The following FOXN3 variants were observed in gnomAD, a reference collection of about 807,000 sequenced individuals.
FOXN3 encodes the protein forkhead box protein N3.
In FOXN3, 7 loss-of-function variants were observed where a neutral mutation model predicts 38.4. That is an observed-to-expected ratio of 0.18 (90% CI 0.10 to 0.34). The LOEUF is 0.34. Ranked by LOEUF, FOXN3 falls within the 10% of genes least tolerant of loss-of-function variation. The pLI, the probability that FOXN3 is intolerant of heterozygous loss-of-function variation, is 1.00. For synonymous variants in FOXN3, 230 were observed against 242.2 expected (o/e 0.95, Z 0.47); for missense variants, 456 against 613.4 (o/e 0.74, Z 2.71).
intron 4 of FOXN3, among the ~76,000 whole-genome samples, chr14:89,259,380 T>C (rs566267358): frequency 6.6e-6 from 1 of 152,308 alleles, no homozygotes; most frequent in Admixed American, 6.5e-5. Context: ...CAAATGATCA[T>C]GTTTCCCTCT....
At chr14:89,349,089 A>C (rs979685139) in intron 3 of FOXN3, among the ~76,000 whole-genome samples, 2 of 152,160 alleles carry the variant, frequency 1.3e-5, no homozygotes, top group Non-Finnish European at 2.9e-5. Flanking sequence ...GGGTGGGGGT[A>C]GAATGACAAA....
At chr14:89,533,923 C>T (rs12433528) in intron 1 of FOXN3, among the ~76,000 whole-genome samples, 91,122 of 151,132 alleles carry the variant, frequency 0.6, 28,075 homozygotes, top group Middle Eastern at 0.68. Flanking sequence ...TTTTGCTTGA[C>T]TGGTTTTTGG....
intron 1 of FOXN3, among the ~76,000 whole-genome samples, chr14:89,481,357 G>A (rs1267873525): frequency 3.9e-5 from 6 of 152,184 alleles, no homozygotes; most frequent in Non-Finnish European, 7.3e-5. Context: ...AGACACGCAC[G>A]TCAGTGAGGC....
rs530389816 is a variant in FOXN3, at chr14:89,313,984, A to C, written c.681-32970T>G. 6.6e-5 allele frequency among the ~76,000 whole-genome samples: 10 copies of C among 152,172 alleles called. No homozygotes were observed. The South Asian group carries it at 1.0e-3, about 16-fold the overall frequency. ...ATGGTGGTTGCCCAGAGCTGGAGAG[A>C]GGGGGAAAGGGGGAGTTGGAGAGTA... On this transcript the variant is annotated intron_variant, in intron 3 of 5. Transcript: ENST00000557258.
chr14:89,342,546 A>G lies in FOXN3; in HGVS notation c.680+8126T>C, dbSNP rs576588057. On this transcript the variant is annotated intron_variant, in intron 3 of 5. Coordinates refer to ENST00000557258, the MANE Select transcript of FOXN3 (RefSeq NM_005197.4). The stretch of plus-strand genomic sequence containing the variant: ...TGGATTTTTAAAGCTCCCACTGTCA[A>G]TGAGCACTGTGTTTTTTAAAGAGTG... Among the ~76,000 whole-genome samples, 18 of 152,360 alleles carry G rather than the reference A, an allele frequency of 1.2e-4. No homozygotes were observed. The South Asian group carries it at 2.7e-3, about 23-fold the overall frequency.
intron 1 of FOXN3, among the ~76,000 whole-genome samples, chr14:89,480,808 CTAA>C (rs1893310216): frequency 6.6e-6 from 1 of 152,086 alleles, no homozygotes. Context: ...AAATTTCCAT[CTAA>C]TTTTTCTTTC....
intron 1 of FOXN3, among the ~76,000 whole-genome samples, chr14:89,601,390 G>A (rs568648995): frequency 3.2e-4 from 48 of 152,302 alleles, no homozygotes; most frequent in African/African-American, 1.1e-3. Flanking sequence ...TTACTAAAAC[G>A]TCAGTGTGTT....
upstream of FOXN3, among the ~76,000 whole-genome samples, chr14:89,421,094 A>G (rs1891892140): frequency 6.7e-6 from 1 of 148,680 alleles, no homozygotes; most frequent in African/African-American, 2.5e-5. Context: ...GAGTTATGGG[A>G]TACTTCTTTT....
intron 4 of FOXN3, among the ~76,000 whole-genome samples, chr14:89,187,977 T>A (rs1887851767): frequency 6.6e-6 from 1 of 152,278 alleles, no homozygotes; most frequent in African/African-American, 2.4e-5. Flanking sequence ...GTCTTCACAT[T>A]TACTTCTCTG....
chr14:89,347,036 T>A (rs141262592), intron 3 of FOXN3, among the ~76,000 whole-genome samples: 1 of 149,966 alleles, frequency 6.7e-6, no homozygotes, highest in Non-Finnish European at 1.5e-5. Flanking sequence ...TCTTTAAATA[T>A]TTCCTTACTT....
chr14:89,255,148 C>T (rs1170041179), intron 4 of FOXN3, among the ~76,000 whole-genome samples: 4 of 152,148 alleles, frequency 2.6e-5, no homozygotes, highest in African/African-American at 7.2e-5. Flanking sequence ...TGATGAAGGG[C>T]GAGAACGCTA....
At chr14:89,221,965 G>T (rs369892824) in intron 4 of FOXN3, among the ~76,000 whole-genome samples, 1 of 152,144 alleles carries the variant, frequency 6.6e-6, no homozygotes, top group Non-Finnish European at 1.5e-5. Flanking sequence ...TGGGACTACA[G>T]GCGCCCGCCA....
chr14:89,540,151 T>TA (rs1370978404), intron 1 of FOXN3, among the ~76,000 whole-genome samples: 1 of 152,208 alleles, frequency 6.6e-6, no homozygotes, highest in Non-Finnish European at 1.5e-5. Context: ...TAGTAGAAGG[T>TA]AATGCAATAA....
chr14:89,389,408 A>C (rs1355431786), intron 2 of FOXN3, among the ~76,000 whole-genome samples: 8 of 152,190 alleles, frequency 5.3e-5, no homozygotes. Context: ...CTTTCATTCT[A>C]TCCTTTCCCT....
At chr14:89,304,057 C>T (rs1233888626) in intron 3 of FOXN3, among the ~76,000 whole-genome samples, 1 of 152,170 alleles carries the variant, frequency 6.6e-6, no homozygotes, top group Non-Finnish European at 1.5e-5. Flanking sequence ...AGCTTCTTGC[C>T]GGTGATCACT....
intron 2 of FOXN3, among the ~76,000 whole-genome samples, chr14:89,381,297 C>T (rs1890639214): frequency 6.6e-6 from 1 of 151,954 alleles, no homozygotes; most frequent in South Asian, 2.1e-4. Flanking sequence ...GGACTATGTA[C>T]TCCCAGGATT....
intron 1 of FOXN3, among the ~76,000 whole-genome samples, chr14:89,452,560 G>C (rs1465285823): frequency 6.6e-6 from 1 of 152,178 alleles, no homozygotes; most frequent in Non-Finnish European, 1.5e-5. Context: ...GGGAAAGCCC[G>C]TTTTGATGGG....
chr14:89,365,703 A>T (rs1257033341), intron 2 of FOXN3, among the ~76,000 whole-genome samples: 2 of 152,212 alleles, frequency 1.3e-5, no homozygotes, highest in Non-Finnish European at 2.9e-5. Context: ...AAAAAACTTC[A>T]AACACATGCA....
intron 1 of FOXN3, among the ~76,000 whole-genome samples, chr14:89,521,137 C>T (rs1241849529): frequency 6.6e-6 from 1 of 152,080 alleles, no homozygotes; most frequent in South Asian, 2.1e-4. Context: ...TGGTGAAACC[C>T]CGTCTCTACT....
Sources: allele counts gnomAD v4.1 joint callset (sites outside exome capture counted in the v4.1 genomes callset), GRCh38; gene constraint gnomAD v4.1.1; transcripts MANE v1.5; gene names NCBI Gene and HGNC (gene_info 2026-07-23, HGNC 2026-07-21).